The following AFF4 variants were observed in gnomAD, a reference collection of about 807,000 sequenced individuals.
The protein encoded by AFF4 is AF4/FMR2 family member 4.
A neutral mutation model predicts 124.8 loss-of-function variants in AFF4; 13 were observed. That is an observed-to-expected ratio of 0.10 (90% confidence interval 0.07 to 0.17). AFF4 has a LOEUF of 0.17. AFF4 is among the 10% of genes least tolerant of loss of function. The pLI, the probability that AFF4 is intolerant of heterozygous loss-of-function variation, is 1.00. For synonymous variants in AFF4, 477 were observed against 496.1 expected, an observed-to-expected ratio of 0.96 and a Z score of 0.51; for missense variants, 1,092 against 1,403.8, an observed-to-expected ratio of 0.78 and a Z score of 3.55.
intron 1 of AFF4, among the ~76,000 whole-genome samples, chr5:132,955,777 CAAAAAAA>C (rs1214913729): frequency 2.8e-5 from 2 of 71,286 alleles, no homozygotes; most frequent in Non-Finnish European, 5.4e-5. Flanking sequence ...GATTCCATCT[CAAAAAAA>C]AAAAAAAAAA....
intron 1 of AFF4, among the ~76,000 whole-genome samples, chr5:132,957,851 CATAGGGCAA>C (rs1761997101): frequency 6.6e-6 from 1 of 152,104 alleles, no homozygotes; most frequent in South Asian, 2.1e-4. Flanking sequence ...TGAGAAGTAT[CATAGGGCAA>C]AGACCTGGCT....
Position 132,963,493 on chromosome 5 carries a change from C to G in AFF4, c.-239G>C. On this transcript the variant is annotated 5_prime_UTR_variant, in exon 1 of 21. Transcript: ENST00000265343. ...CGGAACAGGCGTAGGCCCCGCACCG[C>G]TCCATGACGGTCGGGCCCGGGCTGG... is the stretch of plus-strand genomic sequence containing the variant. 1 of 397,996 alleles carries G rather than the reference C, an allele frequency of 2.5e-6. No homozygotes were observed. Among genetic ancestry groups the G allele is most frequent in the Non-Finnish European group, 4.4e-6 (1 of 225,656 alleles). The allele number at this position is 397,996 out of a possible 1,614,324, so 24.7% of individuals were successfully genotyped here. A position where few individuals can be genotyped will look rare whatever the true frequency, so the allele number is the denominator to read the frequency against.
intron 5 of AFF4, among the ~76,000 whole-genome samples, chr5:132,907,298 G>A (rs567741178): frequency 4.9e-4 from 75 of 152,142 alleles, no homozygotes; most frequent in African/African-American, 1.8e-3. Context: ...CTTAGTATGC[G>A]TCATCACTGC....
chr5:132,888,157 A>T lies in AFF4; in HGVS notation c.2736T>A (p.Asn912Lys). Residue 912 changes from asparagine (N) to lysine (K), a missense_variant, in exon 15 of 21, where the codon AAT becomes AAA. Physicochemically the swap from Asn to Lys is moderately conservative, Grantham distance 94. This residue lies in a region of AFF4 where 173 missense variants were observed against 294.9 expected (regional missense o/e 0.59). Coordinates refer to ENST00000265343, the MANE Select transcript of AFF4 (RefSeq NM_014423.4). ...CTTGTAAATAATGGTCTGCTGAATA[A>T]TTTCTGCAAGACAAATTTTCATTAT... ...RRTKLVFDDR[N>K]YSADHYLQEA... is the part of the protein sequence containing the mutation. 2 of 1,606,756 alleles carry T rather than the reference A, an allele frequency of 1.2e-6. No individual in the cohort carries two copies. Among genetic ancestry groups the T allele is most frequent in the Non-Finnish European group, 1.7e-6 (2 of 1,176,088 alleles).
chr5:132,880,325 A>G lies in AFF4; in HGVS notation c.*734T>C, dbSNP rs1467890744. On this transcript the variant is annotated 3_prime_UTR_variant, in exon 21 of 21. Transcript: ENST00000265343. ...TTGTAATGCATTAAATGCAAGCTAT[A>G]GTCACTGTGTGATTGCTGTAGTGTT... is the stretch of plus-strand genomic sequence containing the variant. The G allele has an allele frequency of 2.5e-6, 1 of 398,870 alleles. No individual in the cohort carries two copies. Among genetic ancestry groups the G allele is most frequent in the African/African-American group, 2.1e-5 (1 of 48,636 alleles). The allele number at this position is 398,870 out of a possible 1,614,324, so 24.7% of individuals were successfully genotyped here.
At chr5:132,955,731 T>A (rs1188803394) in intron 1 of AFF4, among the ~76,000 whole-genome samples, 2 of 133,420 alleles carry the variant, frequency 1.5e-5, no homozygotes, top group African/African-American at 5.9e-5. Flanking sequence ...TGAGCCAAGA[T>A]CATGCCACTG....
chr5:132,928,990 A>G (rs1761242373), intron 4 of AFF4, among the ~76,000 whole-genome samples: 1 of 152,160 alleles, frequency 6.6e-6, no homozygotes, highest in South Asian at 2.1e-4. Flanking sequence ...TAACATTATG[A>G]CCACTGTATT....
rs537543194 is a variant in AFF4 at position 132,877,838 on chromosome 5, GAAC to G, written c.*3218_*3220del. 606 of 217,888 alleles carry G rather than the reference GAAC, an allele frequency of 2.8e-3. 3 individuals are homozygous for G. The highest frequency in any genetic ancestry group is 0.012 in the African/African-American group (556 of 44,558). The allele number at this position is 217,888 out of a possible 1,614,324, so 13.5% of individuals were successfully genotyped here. A position where few individuals can be genotyped will look rare whatever the true frequency, so the allele number is the denominator to read the frequency against. On this transcript the variant is annotated 3_prime_UTR_variant, in exon 21 of 21. Coordinates refer to ENST00000265343, the MANE Select transcript of AFF4 (RefSeq NM_014423.4). Reference sequence around the variant, plus strand: ...GATTAAACCTTTAATGAAAAGAAACGAACAACAATTTTTTAAAAACTAGTGAAT... The same window carrying G: ...GATTAAACCTTTAATGAAAAGAAACGAACAATTTTTTAAAAACTAGTGAAT...
At chr5:132,887,138 ATCT>A (rs2150066119) in intron 17 of AFF4, among the ~76,000 whole-genome samples, 1 of 152,354 alleles carries the variant, frequency 6.6e-6, no homozygotes, top group Non-Finnish European at 1.5e-5. Context: ...AACTGATAAT[ATCT>A]CACTGGGATG....
intron 1 of AFF4, among the ~76,000 whole-genome samples, chr5:132,960,712 A>T (rs1252692100): frequency 6.6e-6 from 1 of 152,198 alleles, no homozygotes; most frequent in Non-Finnish European, 1.5e-5. Flanking sequence ...TGATAGAACA[A>T]CAATTTCAAG....
intron 7 of AFF4, among the ~76,000 whole-genome samples, chr5:132,900,308 C>T (rs1419658217): frequency 6.6e-6 from 1 of 152,128 alleles, no homozygotes; most frequent in Non-Finnish European, 1.5e-5. Flanking sequence ...TGTAATCCCA[C>T]TACTTTGGGA....
chr5:132,948,842 G>A (rs1761760482), intron 1 of AFF4: 1 of 153,068 alleles, frequency 6.5e-6, no homozygotes. Context: ...GGCATCAGCT[G>A]CCTTAAATGT....
intron 20 of AFF4, among the ~76,000 whole-genome samples, chr5:132,881,932 C>T (rs1182363578): frequency 2.6e-5 from 4 of 151,170 alleles, no homozygotes; most frequent in Non-Finnish European, 4.4e-5. Flanking sequence ...TCCCGAAGTG[C>T]TGAGATTACA....
Position 132,896,518 on chromosome 5 carries a change from G to C in AFF4, c.2112C>G (p.Pro704=). ...SPMEEKELLS[P]LSEPDDRYPL... is the part of the protein sequence containing the mutation. ...GGTACCTGTCATCAGGCTCACTGAGGGGTGAAAGAAGTTCCTTCTCTTCCA... is the reference window on the plus strand; with the variant it reads ...GGTACCTGTCATCAGGCTCACTGAGCGGTGAAAGAAGTTCCTTCTCTTCCA... The change falls in exon 11 of 21, where the codon CCC becomes CCG. Residue 704 remains proline, a synonymous_variant. Transcript: ENST00000265343. 6.2e-7 allele frequency: 1 copy of C among 1,614,130 alleles called. No homozygotes were observed. Among genetic ancestry groups the C allele is most frequent in the South Asian group, 1.1e-5 (1 of 91,064 alleles).
chr5:132,904,080 A>G, intron 6 of AFF4: 1 of 318,592 alleles, frequency 3.1e-6, no homozygotes, highest in African/African-American at 2.1e-5. Flanking sequence ...ACATAGTGAG[A>G]CCCTATCTCT....
At chr5:132,917,358 G>C (rs1002939723) in intron 5 of AFF4, among the ~76,000 whole-genome samples, 1 of 152,100 alleles carries the variant, frequency 6.6e-6, no homozygotes. Flanking sequence ...AGGAATAGAA[G>C]AATTTCCTCA....
intron 7 of AFF4, among the ~76,000 whole-genome samples, chr5:132,899,996 C>A (rs1392280735): frequency 6.6e-6 from 1 of 152,188 alleles, no homozygotes; most frequent in African/African-American, 2.4e-5. Flanking sequence ...TCATACCCAA[C>A]AATCCACTAG....
At chr5:132,935,431 G>A (rs1761401730) in intron 2 of AFF4, among the ~76,000 whole-genome samples, 1 of 152,180 alleles carries the variant, frequency 6.6e-6, no homozygotes, top group East Asian at 1.9e-4. Context: ...TTCCAGACCA[G>A]CCTGGCCAAC....
At chr5:132,886,285 G>A (rs373499009) in intron 18 of AFF4, 25 bp downstream of exon 18, 38 of 1,602,822 alleles carry the variant, frequency 2.4e-5, no homozygotes, top group Middle Eastern at 3.3e-4. Flanking sequence ...CCTAGGAAAC[G>A]GACCTTGTGC....
Sources: gnomAD v4.1 joint callset for allele counts (sites outside exome capture counted in the v4.1 genomes callset) on GRCh38, gnomAD v4.1.1 for gene constraint, gnomAD v4.1.1 regional missense constraint, MANE v1.5 for transcripts, NCBI Gene and HGNC (gene_info 2026-07-23, HGNC 2026-07-21) for gene names.